KLF12: variants seen among roughly 807,000 people sequenced by gnomAD.
The protein encoded by KLF12 is KLF transcription factor 12, also known as Krueppel-like factor 12.
A neutral mutation model predicts 37.8 loss-of-function variants in KLF12; 9 were observed. That is an observed-to-expected ratio of 0.24 (90% CI 0.14 to 0.42). The LOEUF (loss-of-function observed/expected upper bound fraction) is 0.42. Among genes scored for constraint, KLF12 ranks in the 10% least tolerant of loss-of-function variants. The pLI, the probability that KLF12 is intolerant of heterozygous loss-of-function variation, is 1.00. For missense variants in KLF12, 411 were observed against 516.0 expected (o/e 0.80, Z 1.97); for synonymous variants, 208 against 202.1 (o/e 1.03, Z -0.25).
chr13:73,948,690 C>A (rs5008128), intron 2 of KLF12, among the ~76,000 whole-genome samples: 135,639 of 152,216 alleles, frequency 0.89, 60,738 homozygotes, highest in Non-Finnish European at 0.94. Context: ...CCCTAACAAC[C>A]ACAAACACCA....
intron 6 of KLF12, among the ~76,000 whole-genome samples, chr13:73,737,822 T>G (rs2137856615): frequency 6.6e-6 from 1 of 152,088 alleles, no homozygotes; most frequent in Middle Eastern, 3.4e-3. Flanking sequence ...TAAGAACTAA[T>G]TAAGCATTTT....
intron 5 of KLF12, among the ~76,000 whole-genome samples, chr13:73,797,604 T>C (rs769660263): frequency 8.6e-5 from 13 of 152,002 alleles, no homozygotes; most frequent in Middle Eastern, 3.4e-3. Flanking sequence ...ACCCCATTTC[T>C]ACAAAAATTT....
chr13:73,784,731 A>C (rs7339334), intron 5 of KLF12, among the ~76,000 whole-genome samples: 66,855 of 150,882 alleles, frequency 0.44, 15,686 homozygotes, highest in African/African-American at 0.59. Context: ...CCTGAGTTCA[A>C]GCCATTCTCC....
At chr13:73,803,772 TCACA>T (rs4053528) in intron 5 of KLF12, among the ~76,000 whole-genome samples, 37,419 of 141,388 alleles carry the variant, frequency 0.26, 5,221 homozygotes, top group Middle Eastern at 0.41. Context: ...TACTGCAGAG[TCACA>T]CACACACACA....
chr13:74,086,157 C>T (rs978741162), intron 1 of KLF12, among the ~76,000 whole-genome samples: 11 of 151,670 alleles, frequency 7.3e-5, no homozygotes, highest in Admixed American at 4.6e-4. Context: ...TTAGGGTACA[C>T]GTGCACAATG....
chr13:74,204,514 TTTTTCC>T, the KLF12 span, among the ~76,000 whole-genome samples: 1 of 152,150 alleles, frequency 6.6e-6, no homozygotes, highest in Non-Finnish European at 1.5e-5. Flanking sequence ...TCTCAATTTA[TTTTTCC>T]TTAAGTTTGG....
chr13:74,052,146 AAAAG>A (rs139465307), intron 1 of KLF12, among the ~76,000 whole-genome samples: 10,761 of 152,258 alleles, frequency 0.071, 505 homozygotes, highest in Non-Finnish European at 0.1. Flanking sequence ...TTATATATAA[AAAAG>A]AAAGAACTAA....
At chr13:73,920,153 G>T (rs1025447771) in intron 3 of KLF12, among the ~76,000 whole-genome samples, 1 of 152,138 alleles carries the variant, frequency 6.6e-6, no homozygotes, top group Non-Finnish European at 1.5e-5. Flanking sequence ...ACTGGTGCTT[G>T]TGCATGCAAA....
chr13:73,970,536 C>G (rs1480429402), intron 2 of KLF12, among the ~76,000 whole-genome samples: 2 of 152,130 alleles, frequency 1.3e-5, no homozygotes, highest in Admixed American at 6.5e-5. Context: ...TTTGGGCAGG[C>G]TGAAGAAGCT....
intron 1 of KLF12, among the ~76,000 whole-genome samples, chr13:74,104,712 T>C (rs763474697): frequency 3.1e-4 from 47 of 152,178 alleles, no homozygotes; most frequent in Admixed American, 2.6e-3. Flanking sequence ...TGCTCCAAAT[T>C]AAATCTGACA....
intron 1 of KLF12, among the ~76,000 whole-genome samples, chr13:73,999,519 G>T (rs1025348006): frequency 1.8e-4 from 27 of 151,900 alleles, no homozygotes; most frequent in African/African-American, 6.5e-4. Context: ...AGATCACGAG[G>T]TCAGGAGATC....
chr13:73,732,348 C>T (rs141304963), intron 6 of KLF12, among the ~76,000 whole-genome samples: 4,820 of 152,112 alleles, frequency 0.032, 310 homozygotes, highest in East Asian at 0.14. Flanking sequence ...CCTCGGCCCC[C>T]CAAAGTGCTG....
the KLF12 span, among the ~76,000 whole-genome samples, chr13:74,167,915 A>G: frequency 1.3e-5 from 2 of 152,250 alleles, no homozygotes; most frequent in Non-Finnish European, 2.9e-5. Context: ...TATCATGAGC[A>G]TGTCTTAAAA....
rs1420448806 is a variant in KLF12, at chr13:73,692,266, A to C, written c.*3224T>G. The stretch of plus-strand genomic sequence containing the variant: ...GATGCAGAAGCGTGAATCTTTTTTC[A>C]AACAACTTAAGATCAGACCATGAAA... On this transcript the variant is annotated 3_prime_UTR_variant, in exon 8 of 8. Coordinates refer to ENST00000377669, the MANE Select transcript of KLF12 (RefSeq NM_007249.5). 4.6e-5 allele frequency: 7 copies of C among 152,112 alleles called. No homozygotes were observed. The highest frequency in any genetic ancestry group is 8.8e-5 in the Non-Finnish European group (6 of 68,010). The allele number at this position is 152,112 out of a possible 1,614,324, so 9.4% of individuals were successfully genotyped here. A position where few individuals can be genotyped will look rare whatever the true frequency, so the allele number is the denominator to read the frequency against.
At chr13:74,196,988 T>G in the KLF12 span, among the ~76,000 whole-genome samples, 1 of 152,070 alleles carries the variant, frequency 6.6e-6, no homozygotes, top group South Asian at 2.1e-4. Flanking sequence ...AATAATTAAT[T>G]TGGGGAGCAT....
chr13:74,241,748 A>C, the KLF12 span, among the ~76,000 whole-genome samples: 6 of 152,120 alleles, frequency 3.9e-5, no homozygotes, highest in Non-Finnish European at 7.4e-5. Flanking sequence ...TTTGACTCAG[A>C]AAGGGAACTC....
chr13:73,908,401 C>A (rs1333059069), intron 3 of KLF12, among the ~76,000 whole-genome samples: 247 of 129,190 alleles, frequency 1.9e-3, no homozygotes, highest in Non-Finnish European at 2.2e-3. Flanking sequence ...GACTCTGTCT[C>A]AAAAAAAAAA....
chr13:74,090,608 G>T (rs996992265), intron 1 of KLF12, among the ~76,000 whole-genome samples: 8 of 151,974 alleles, frequency 5.3e-5, no homozygotes, highest in East Asian at 1.9e-4. Context: ...TAATGATGAT[G>T]AACAATTTTC....
chr13:74,079,924 TTCAC>T (rs1874779880), intron 1 of KLF12, among the ~76,000 whole-genome samples: 2 of 152,182 alleles, frequency 1.3e-5, no homozygotes, highest in African/African-American at 4.8e-5. Flanking sequence ...GCTACCCACA[TTCAC>T]ATCAGCATTA....
Sources: gnomAD v4.1 joint callset for allele counts (sites outside exome capture counted in the v4.1 genomes callset) on GRCh38, gnomAD v4.1.1 for gene constraint, MANE v1.5 for transcripts, NCBI Gene and HGNC (gene_info 2026-07-23, HGNC 2026-07-21) for gene names.